Variants in TMEM132C observed in about 807,000 individuals in gnomAD.
TMEM132C encodes the protein transmembrane protein 132C, also known as protein phosphatase 1, regulatory subunit 152.
A neutral mutation model predicts 61.4 loss-of-function variants in TMEM132C; 29 were observed. The ratio of observed to expected loss-of-function variants is 0.47; its 90% CI spans 0.35 to 0.64. TMEM132C has a LOEUF of 0.64. Among genes scored for constraint, TMEM132C ranks in the 30% least tolerant of loss-of-function variants. TMEM132C has a pLI of 0.00. For missense variants in TMEM132C, 1,408 were observed against 1,476.9 expected (o/e 0.95, Z 0.76); for synonymous variants, 656 against 633.1 (o/e 1.04, Z -0.54).
intron 2 of TMEM132C, among the ~76,000 whole-genome samples, chr12:128,441,693 C>G (rs1182213881): frequency 6.6e-6 from 1 of 152,170 alleles, no homozygotes; most frequent in Non-Finnish European, 1.5e-5. Flanking sequence ...GAGGCTCAAC[C>G]TGAACAGCCT....
chr12:128,634,414 C>T (rs771238131), intron 4 of TMEM132C, among the ~76,000 whole-genome samples: 4 of 152,194 alleles, frequency 2.6e-5, no homozygotes, highest in Admixed American at 6.5e-5. Flanking sequence ...AGTAAGGAGA[C>T]GGGACTTGAT....
At chr12:128,353,892 G>T (rs1329673260) in intron 1 of TMEM132C, among the ~76,000 whole-genome samples, 3 of 152,156 alleles carry the variant, frequency 2.0e-5, no homozygotes, top group African/African-American at 7.2e-5. Flanking sequence ...GTATCACGGG[G>T]TTGCTGTTGT....
At chr12:128,330,567 A>G (rs1872643007) in intron 1 of TMEM132C, among the ~76,000 whole-genome samples, 1 of 152,156 alleles carries the variant, frequency 6.6e-6, no homozygotes, top group African/African-American at 2.4e-5. Flanking sequence ...AAATGTTTTT[A>G]AAGTGTATAT....
At chr12:128,516,304 A>G (rs529032036) in intron 2 of TMEM132C, among the ~76,000 whole-genome samples, 5 of 152,194 alleles carry the variant, frequency 3.3e-5, no homozygotes, top group Admixed American at 6.5e-5. Context: ...CGATGGGACA[A>G]TTGGTGTGAG....
chr12:128,536,065 C>G (rs1333495397), intron 2 of TMEM132C, among the ~76,000 whole-genome samples: 1 of 152,160 alleles, frequency 6.6e-6, no homozygotes, highest in Non-Finnish European at 1.5e-5. Context: ...GATTATAAAT[C>G]ATGCTACTAT....
chr12:128,706,599 A>G lies in TMEM132C; in HGVS notation c.*304A>G. The G allele has an allele frequency of 3.8e-6, 1 of 262,602 alleles. No individual in the cohort carries two copies. Among genetic ancestry groups the G allele is most frequent in the Non-Finnish European group, 7.1e-6 (1 of 140,146 alleles). The allele number at this position is 262,602 out of a possible 1,614,324, so 16.3% of individuals were successfully genotyped here. ...TTATGAGTCAAAACATACTACAGAC[A>G]AGCTACCAAAAATTATTTGTTAAAA... On this transcript the variant is annotated 3_prime_UTR_variant, in exon 9 of 9. Transcript: ENST00000435159.
chr12:128,549,355 C>T (rs147652547), intron 3 of TMEM132C, among the ~76,000 whole-genome samples: 85 of 152,242 alleles, frequency 5.6e-4, no homozygotes, highest in African/African-American at 1.9e-3. Flanking sequence ...CCCAGACATA[C>T]GGGGTGGGTG....
At chr12:128,557,000 A>T (rs1188617944) in intron 3 of TMEM132C, among the ~76,000 whole-genome samples, 1 of 152,208 alleles carries the variant, frequency 6.6e-6, no homozygotes, top group Non-Finnish European at 1.5e-5. Flanking sequence ...CATGAAAGTG[A>T]AAAACAGGGG....
intron 3 of TMEM132C, among the ~76,000 whole-genome samples, chr12:128,576,822 A>C (rs533415091): frequency 2.6e-5 from 4 of 152,198 alleles, no homozygotes; most frequent in African/African-American, 9.7e-5. Context: ...TGATGTTGGA[A>C]AATCTTTTTC....
chr12:128,375,277 C>T (rs1353195517), intron 1 of TMEM132C, among the ~76,000 whole-genome samples: 1 of 152,098 alleles, frequency 6.6e-6, no homozygotes, highest in South Asian at 2.1e-4. Context: ...GGGAGGGCTC[C>T]TCTGTCAGCT....
At chr12:128,672,442 A>G (rs967887393) in intron 5 of TMEM132C, among the ~76,000 whole-genome samples, 1 of 152,252 alleles carries the variant, frequency 6.6e-6, no homozygotes, top group African/African-American at 2.4e-5. Flanking sequence ...AGCTGTATAC[A>G]TAGCAATCCT....
chr12:128,350,480 A>T (rs1207968088), intron 1 of TMEM132C, among the ~76,000 whole-genome samples: 1 of 152,106 alleles, frequency 6.6e-6, no homozygotes, highest in Non-Finnish European at 1.5e-5. Context: ...GGCACTGTGA[A>T]TATTTGGGGA....
rs1023109237 is a variant in TMEM132C at position 128,605,007 on chromosome 12, C to T, written c.1122-11145C>T. On this transcript the variant is annotated intron_variant, in intron 3 of 8. Coordinates refer to ENST00000435159, the MANE Select transcript of TMEM132C (RefSeq NM_001136103.3). ...GGACGGATGGATAGATAAATGGACA[C>T]ATAGATAATAGATGAATGGATGGAT... Among the ~76,000 whole-genome samples the T allele has an allele frequency of 9.5e-5, 13 of 136,844 alleles. No individual in the cohort carries two copies. The East Asian group carries it at 2.4e-3, about 26-fold the overall frequency. The allele number at this position is 136,844 out of a possible 152,430, so 89.8% of individuals were successfully genotyped here.
intron 2 of TMEM132C, among the ~76,000 whole-genome samples, chr12:128,493,686 T>C (rs899595106): frequency 6.6e-6 from 1 of 152,256 alleles, no homozygotes; most frequent in South Asian, 2.1e-4. Context: ...CTTGTGATTT[T>C]TGCACATTGA....
chr12:128,692,381 CT>C lies in TMEM132C; in HGVS notation c.1450-1443del, dbSNP rs200620352. 6.0e-3 allele frequency among the ~76,000 whole-genome samples: 916 copies of C among 152,334 alleles called. 8 individuals carry two copies. The highest frequency in any genetic ancestry group is 0.021 in the African/African-American group (872 of 41,576). On this transcript the variant is annotated intron_variant, in intron 5 of 8. Transcript: ENST00000435159. ...AGAGGTGAAAAATGAACACAATGTA[CT>C]TTTTGCCTTCAAAGATTTCTTAGTT...
intron 2 of TMEM132C, among the ~76,000 whole-genome samples, chr12:128,527,312 C>G (rs2136132351): frequency 6.6e-6 from 1 of 152,310 alleles, no homozygotes; most frequent in East Asian, 1.9e-4. Flanking sequence ...GTGCTATTAT[C>G]TCATGCGTAG....
chr12:128,492,260 T>G (rs543522540), intron 2 of TMEM132C, among the ~76,000 whole-genome samples: 24 of 152,342 alleles, frequency 1.6e-4, no homozygotes, highest in Middle Eastern at 3.4e-3. Flanking sequence ...TTGATGGACA[T>G]TTGGGTTGGT....
At chr12:128,541,018 T>C (rs939027444) in intron 2 of TMEM132C, among the ~76,000 whole-genome samples, 5 of 109,690 alleles carry the variant, frequency 4.6e-5, no homozygotes, top group African/African-American at 1.3e-4. Context: ...TATCTTTCTC[T>C]CTTTCTCTGT....
chr12:128,509,178 G>T (rs1323518554), intron 2 of TMEM132C, among the ~76,000 whole-genome samples: 3 of 152,160 alleles, frequency 2.0e-5, no homozygotes, highest in Non-Finnish European at 4.4e-5. Context: ...TGATTTTGAG[G>T]TTTATTTTAC....
Sources: allele counts gnomAD v4.1 joint callset (sites outside exome capture counted in the v4.1 genomes callset), GRCh38; gene constraint gnomAD v4.1.1; transcripts MANE v1.5; gene names NCBI Gene and HGNC (gene_info 2026-07-23, HGNC 2026-07-21).